Variants in DNER observed in about 807,000 individuals in gnomAD.
DNER encodes the protein delta and Notch-like epidermal growth factor-related receptor.
A neutral mutation model predicts 78.2 loss-of-function variants in DNER; 33 were observed. That is an observed-to-expected ratio of 0.42 (90% CI 0.32 to 0.56). The LOEUF (loss-of-function observed/expected upper bound fraction) is 0.56. Ranked by LOEUF, DNER falls within the 20% of genes least tolerant of loss-of-function variation. The pLI is 0.11. For synonymous variants in DNER, 417 were observed against 384.8 expected (o/e 1.08, Z -0.98); for missense variants, 918 against 975.3 (o/e 0.94, Z 0.78).
chr2:229,668,734 G>C (rs1013962304), intron 1 of DNER, among the ~76,000 whole-genome samples: 2 of 151,420 alleles, frequency 1.3e-5, no homozygotes, highest in African/African-American at 4.9e-5. Context: ...ATGCTGGAGA[G>C]GATGTGGAAA....
intron 2 of DNER, among the ~76,000 whole-genome samples, chr2:229,590,141 T>G (rs1023727683): frequency 1.3e-5 from 2 of 152,090 alleles, no homozygotes; most frequent in Admixed American, 6.6e-5. Context: ...AGATATAGAA[T>G]GGAATTACAC....
chr2:229,714,082 G>A (rs1699952857), intron 1 of DNER, 66 bp downstream of exon 1: 1 of 1,231,724 alleles, frequency 8.1e-7, no homozygotes, highest in Admixed American at 4.2e-5. Flanking sequence ...GCAGCAGCAG[G>A]GCCGGCGGGA....
At chr2:229,493,992 C>G (rs10178448) in intron 6 of DNER, among the ~76,000 whole-genome samples, 1 of 152,124 alleles carries the variant, frequency 6.6e-6, no homozygotes, top group African/African-American at 2.4e-5. Context: ...TCTGGCGCTT[C>G]GGGTTCATAT....
chr2:229,404,932 GGAC>G (rs751890272), intron 10 of DNER, among the ~76,000 whole-genome samples: 1 of 152,052 alleles, frequency 6.6e-6, no homozygotes, highest in Admixed American at 6.5e-5. Context: ...ATGTAATTAT[GGAC>G]TAAAATATAA....
intron 1 of DNER, among the ~76,000 whole-genome samples, chr2:229,608,433 A>G (rs956466167): frequency 2.0e-5 from 3 of 152,226 alleles, no homozygotes; most frequent in African/African-American, 7.2e-5. Flanking sequence ...TTTAGATGAA[A>G]ATATAGGACA....
intron 6 of DNER, among the ~76,000 whole-genome samples, chr2:229,488,041 A>G (rs1352657318): frequency 6.6e-6 from 1 of 152,090 alleles, no homozygotes; most frequent in Non-Finnish European, 1.5e-5. Flanking sequence ...TCCTGTAACC[A>G]CTCACCGCCA....
At chr2:229,676,929 G>A (rs918718704) in intron 1 of DNER, among the ~76,000 whole-genome samples, 6 of 152,106 alleles carry the variant, frequency 3.9e-5, no homozygotes, top group South Asian at 4.2e-4. Context: ...GGATAGGAAC[G>A]AGTCTCACTT....
Position 229,714,419 on chromosome 2 carries a change from T to A in DNER, c.5A>T (p.Gln2Leu). ...ACCGGGCGCCTGGGCGCGGCGGGGCTGCATGGCCGGCCGGGAGGGCGCGGG... is the reference window on the plus strand; with the variant it reads ...ACCGGGCGCCTGGGCGCGGCGGGGCAGCATGGCCGGCCGGGAGGGCGCGGG... M[Q>L]PRRAQAPGAQ... The change falls in exon 1 of 13, where the codon CAG becomes CTG. Residue 2 changes from glutamine to leucine, a missense_variant. By Grantham distance (113) the Gln-to-Leu change is moderately radical (BLOSUM62 -2). Coordinates refer to ENST00000341772, the MANE Select transcript of DNER (RefSeq NM_139072.4). 1.7e-6 allele frequency: 2 copies of A among 1,148,204 alleles called. No homozygotes were observed. The highest frequency in any genetic ancestry group is 2.1e-6 in the Non-Finnish European group (2 of 937,330). 71.1% of individuals were successfully genotyped at this position (1,148,204 alleles called of 1,614,324 possible). A position where few individuals can be genotyped will look rare whatever the true frequency, so the allele number is the denominator to read the frequency against.
intron 7 of DNER, among the ~76,000 whole-genome samples, chr2:229,472,787 T>A (rs1574858630): frequency 6.6e-6 from 1 of 152,180 alleles, no homozygotes; most frequent in Admixed American, 6.5e-5. Context: ...TTTCTTATCA[T>A]CCCCACCGTA....
chr2:229,419,297 T>C (rs754609315), intron 8 of DNER, among the ~76,000 whole-genome samples: 2 of 152,232 alleles, frequency 1.3e-5, no homozygotes, highest in Non-Finnish European at 2.9e-5. Flanking sequence ...TTTGAAAACA[T>C]GTGTTACTGC....
intron 5 of DNER, among the ~76,000 whole-genome samples, chr2:229,539,672 G>T (rs141348250): frequency 6.6e-6 from 1 of 152,286 alleles, no homozygotes; most frequent in Non-Finnish European, 1.5e-5. Context: ...TTGATAGACA[G>T]TTCCTGAGCA....
At chr2:229,633,887 C>T (rs1445423654) in intron 1 of DNER, among the ~76,000 whole-genome samples, 2 of 152,236 alleles carry the variant, frequency 1.3e-5, no homozygotes, top group African/African-American at 2.4e-5. Flanking sequence ...AGGTTCTTAA[C>T]GCAGGTCACA....
intron 6 of DNER, among the ~76,000 whole-genome samples, chr2:229,506,053 A>G (rs557016557): frequency 2.2e-4 from 34 of 152,216 alleles, no homozygotes; most frequent in Non-Finnish European, 3.8e-4. Flanking sequence ...TTCCAGCACA[A>G]TTCTGATGAA....
At chr2:229,410,358 C>G (rs567522432) in intron 9 of DNER, among the ~76,000 whole-genome samples, 1 of 152,168 alleles carries the variant, frequency 6.6e-6, no homozygotes, top group East Asian at 1.9e-4. Flanking sequence ...TATCATAATG[C>G]GTGGAAGAAA....
intron 7 of DNER, among the ~76,000 whole-genome samples, chr2:229,469,114 A>G (rs1694867569): frequency 6.6e-6 from 1 of 152,224 alleles, no homozygotes; most frequent in African/African-American, 2.4e-5. Flanking sequence ...TTACTCGTTC[A>G]TTCATTCAAC....
chr2:229,376,221 T>G (rs1007219968), intron 11 of DNER, among the ~76,000 whole-genome samples: 2 of 152,138 alleles, frequency 1.3e-5, no homozygotes, highest in African/African-American at 4.8e-5. Flanking sequence ...TATTAAGAGA[T>G]GTAGTCTTTG....
intron 4 of DNER, among the ~76,000 whole-genome samples, chr2:229,562,878 C>G (rs1476968389): frequency 5.9e-5 from 9 of 151,710 alleles, no homozygotes; most frequent in Admixed American, 5.9e-4. Context: ...TCATCATCAT[C>G]CTTATCCCAT....
At chr2:229,622,829 G>C (rs1041046658) in intron 1 of DNER, among the ~76,000 whole-genome samples, 4 of 152,258 alleles carry the variant, frequency 2.6e-5, no homozygotes, top group African/African-American at 9.6e-5. Flanking sequence ...AACACCAGAA[G>C]CCAGGAGAGA....
intron 8 of DNER, among the ~76,000 whole-genome samples, chr2:229,437,281 T>C (rs1444229883): frequency 2.0e-5 from 3 of 152,220 alleles, no homozygotes; most frequent in Non-Finnish European, 4.4e-5. Flanking sequence ...GAAAAGGTTA[T>C]GTATCAATCT....
Sources: gnomAD v4.1 joint callset for allele counts (sites outside exome capture counted in the v4.1 genomes callset) on GRCh38, gnomAD v4.1.1 for gene constraint, MANE v1.5 for transcripts, NCBI Gene and HGNC (gene_info 2026-07-23, HGNC 2026-07-21) for gene names.